SPON1: variants seen among roughly 807,000 people sequenced by gnomAD.
SPON1 encodes the protein spondin-1.
Under a neutral mutation model 111.7 loss-of-function variants are expected in SPON1, and 52 were observed. The ratio of observed to expected loss-of-function variants is 0.47; its 90% CI spans 0.37 to 0.59. The LOEUF (loss-of-function observed/expected upper bound fraction) is 0.59. Among genes scored for constraint, SPON1 ranks in the 20% least tolerant of loss-of-function variants. The probability of loss-of-function intolerance (pLI) is 0.00; values close to 1 mark genes in which losing one functional copy is unlikely to be tolerated. For synonymous variants in SPON1, 410 were observed against 395.8 expected (o/e 1.04, Z -0.43); for missense variants, 957 against 1,068.5 (o/e 0.90, Z 1.46).
intron 3 of SPON1, among the ~76,000 whole-genome samples, chr11:14,064,151 AGG>A (rs1433423010): frequency 6.6e-6 from 1 of 152,232 alleles, no homozygotes; most frequent in Non-Finnish European, 1.5e-5. Context: ...CAAATGTTAG[AGG>A]GTCCACCAGG....
At chr11:14,179,795 T>C (rs2133886698) in intron 6 of SPON1, among the ~76,000 whole-genome samples, 1 of 151,920 alleles carries the variant, frequency 6.6e-6, no homozygotes, top group South Asian at 2.1e-4. Flanking sequence ...GCAGTAGCAC[T>C]TAAAAAAAAA....
intron 6 of SPON1, among the ~76,000 whole-genome samples, chr11:14,209,307 A>G (rs1416619593): frequency 6.6e-6 from 1 of 152,126 alleles, no homozygotes; most frequent in Non-Finnish European, 1.5e-5. Context: ...ACATGTGCAG[A>G]ACGTTCAGGT....
chr11:13,962,782 G>A lies in SPON1; in HGVS notation c.-123G>A. On this transcript the variant is annotated 5_prime_UTR_variant, in exon 1 of 16. Transcript: ENST00000576479. ...CGGGCACGGTCTCCGAGTCGCGGACGCCAGCTCCGAGCTCCCTCTCTCCGC... is the reference window on the plus strand; with the variant it reads ...CGGGCACGGTCTCCGAGTCGCGGACACCAGCTCCGAGCTCCCTCTCTCCGC... 1.1e-6 allele frequency: 1 copy of A among 902,428 alleles called. No individual in the cohort carries two copies. Among genetic ancestry groups the A allele is most frequent in the Non-Finnish European group, 1.6e-6 (1 of 639,226 alleles). The allele number at this position is 902,428 out of a possible 1,614,324, so 55.9% of individuals were successfully genotyped here.
chr11:13,963,580 G>A (rs1847992282), intron 1 of SPON1, among the ~76,000 whole-genome samples: 1 of 152,144 alleles, frequency 6.6e-6, no homozygotes, highest in African/African-American at 2.4e-5. Context: ...CTCAGTCCCT[G>A]AAGGAGAGGG....
At chr11:13,988,226 C>G (rs1266844453) in intron 2 of SPON1, among the ~76,000 whole-genome samples, 1 of 152,106 alleles carries the variant, frequency 6.6e-6, no homozygotes, top group Admixed American at 6.5e-5. Context: ...TCTCTTTTGT[C>G]CTTGAGCAGT....
At chr11:14,065,337 G>C (rs984830897) in intron 3 of SPON1, among the ~76,000 whole-genome samples, 3 of 152,184 alleles carry the variant, frequency 2.0e-5, no homozygotes, top group Non-Finnish European at 4.4e-5. Context: ...GACGAACTGC[G>C]GAGAGTAATG....
intron 5 of SPON1, among the ~76,000 whole-genome samples, chr11:14,118,631 T>C (rs1357574747): frequency 6.6e-6 from 1 of 152,272 alleles, no homozygotes; most frequent in South Asian, 2.1e-4. Flanking sequence ...CAAGAGTCAA[T>C]ACCCCTAATG....
At chr11:14,240,589 T>TTTTGTG (rs1379300016) in intron 6 of SPON1, among the ~76,000 whole-genome samples, 2 of 140,344 alleles carry the variant, frequency 1.4e-5, no homozygotes, top group African/African-American at 2.7e-5. Flanking sequence ...AGAAGCAATA[T>TTTTGTG]TGTGTGTGTG....
chr11:14,205,706 T>C (rs1430584621), intron 6 of SPON1, among the ~76,000 whole-genome samples: 5 of 152,132 alleles, frequency 3.3e-5, no homozygotes, highest in Non-Finnish European at 5.9e-5. Flanking sequence ...TTTCTTCACT[T>C]AAAATTCTCA....
chr11:14,190,092 A>G (rs1437827159), intron 6 of SPON1, among the ~76,000 whole-genome samples: 1 of 152,130 alleles, frequency 6.6e-6, no homozygotes, highest in Non-Finnish European at 1.5e-5. Flanking sequence ...TTTCAACTCT[A>G]AGGACAATTT....
Position 14,150,716 on chromosome 11 carries a change from T to C in SPON1, c.825+15148T>C, listed in dbSNP as rs552778005. ...TAATGTTTTCGTTATATTGATTACC[T>C]GCTGAAATGGTAATCATTTGTGAAA... On this transcript the variant is annotated intron_variant, in intron 6 of 15. Coordinates refer to ENST00000576479, the MANE Select transcript of SPON1 (RefSeq NM_006108.4). Among the ~76,000 whole-genome samples the C allele has an allele frequency of 2.0e-5, 3 of 152,312 alleles. No homozygotes were observed. In the East Asian group the frequency reaches 5.8e-4, roughly 29 times the overall value.
rs12274362 is a variant in SPON1 at position 13,981,509 on chromosome 11, G to A, written c.239-1338G>A. ...GCCTGGCTAATTGTTTGTATTTTTA[G>A]TAGAGACGGGGTTTCACCGTGTTAG... On this transcript the variant is annotated intron_variant, in intron 1 of 15. Transcript: ENST00000576479. Among the ~76,000 whole-genome samples the A allele has an allele frequency of 5.0e-3, 756 of 152,258 alleles. 2 individuals carry two copies. The highest frequency in any genetic ancestry group is 0.017 in the African/African-American group (712 of 41,532).
chr11:13,973,947 G>A (rs1554908863), intron 1 of SPON1, among the ~76,000 whole-genome samples: 1 of 152,190 alleles, frequency 6.6e-6, no homozygotes, highest in African/African-American at 2.4e-5. Flanking sequence ...TCTGCCTGGG[G>A]ATGCTGAGAG....
intron 2 of SPON1, among the ~76,000 whole-genome samples, chr11:13,997,291 A>G (rs1220085686): frequency 6.6e-6 from 1 of 152,194 alleles, no homozygotes; most frequent in Admixed American, 6.5e-5. Flanking sequence ...TAGCTTTGCT[A>G]TTTAAAATAT....
At chr11:14,217,078 T>C (rs1848633270) in intron 6 of SPON1, among the ~76,000 whole-genome samples, 1 of 152,206 alleles carries the variant, frequency 6.6e-6, no homozygotes, top group Non-Finnish European at 1.5e-5. Flanking sequence ...CATAGGTGTT[T>C]GCTGGACTTT....
At position 14,262,782 on chromosome 11, in the gene SPON1, G is replaced by A; in HGVS notation, c.2067G>A (p.Val689=). Residue 689 remains valine (V), a synonymous_variant, in exon 15 of 16, where the codon GTG becomes GTA. Coordinates refer to ENST00000576479, the MANE Select transcript of SPON1 (RefSeq NM_006108.4). ...ECNKSCGKGH[V]IRTRMIQMEP... Reference sequence around the variant, plus strand: ...ACAAGTCATGTGGGAAAGGCCACGTGATTCGAACCCGGATGATCCAAATGG... The same window carrying A: ...ACAAGTCATGTGGGAAAGGCCACGTAATTCGAACCCGGATGATCCAAATGG... The A allele has an allele frequency of 6.2e-7, 1 of 1,613,976 alleles. No individual in the cohort carries two copies. Among genetic ancestry groups the A allele is most frequent in the Non-Finnish European group, 8.5e-7 (1 of 1,179,882 alleles).
At chr11:14,074,518 A>C (rs1160197789) in intron 3 of SPON1, among the ~76,000 whole-genome samples, 3 of 152,246 alleles carry the variant, frequency 2.0e-5, no homozygotes, top group Non-Finnish European at 4.4e-5. Flanking sequence ...CGTTTGACTG[A>C]GTAGCATTGC....
At chr11:14,260,533 A>C (rs1352459073) in intron 13 of SPON1, 55 bp from the exon 14 acceptor site, 1 of 1,571,014 alleles carries the variant, frequency 6.4e-7, no homozygotes, top group African/African-American at 1.4e-5. Flanking sequence ...GGTCAGGGAG[A>C]TCAACGAAAA....
intron 6 of SPON1, among the ~76,000 whole-genome samples, chr11:14,169,926 G>T (rs1848077223): frequency 6.6e-6 from 1 of 152,202 alleles, no homozygotes; most frequent in Non-Finnish European, 1.5e-5. Context: ...AAGTCAGGTA[G>T]TGTGATGCCT....
Sources: gnomAD v4.1 joint callset for allele counts (sites outside exome capture counted in the v4.1 genomes callset) on GRCh38, gnomAD v4.1.1 for gene constraint, MANE v1.5 for transcripts, NCBI Gene and HGNC (gene_info 2026-07-23, HGNC 2026-07-21) for gene names.